Variants in SYT1 observed in about 807,000 individuals in gnomAD.
SYT1 encodes the protein synaptotagmin-1.
In SYT1, 8 loss-of-function variants were observed where a neutral mutation model predicts 44.8. The ratio of observed to expected loss-of-function variants is 0.18; its 90% CI spans 0.10 to 0.32. The LOEUF is 0.32. SYT1 is among the 10% of genes least tolerant of loss of function. SYT1 has a pLI of 1.00. For synonymous variants in SYT1, 154 were observed against 188.8 expected, an observed-to-expected ratio of 0.82 and a Z score of 1.51; for missense variants, 286 against 509.3, an observed-to-expected ratio of 0.56 and a Z score of 4.22.
At chr12:79,226,700 T>A (rs1051002936) in intron 4 of SYT1, among the ~76,000 whole-genome samples, 4 of 152,112 alleles carry the variant, frequency 2.6e-5, no homozygotes, top group Non-Finnish European at 4.4e-5. Context: ...TTTAAAGTGG[T>A]ATGTTAAATC....
chr12:79,332,137 C>T (rs1369696181), intron 8 of SYT1, among the ~76,000 whole-genome samples: 3 of 152,172 alleles, frequency 2.0e-5, no homozygotes, highest in Admixed American at 2.0e-4. Flanking sequence ...TCAGCAGGGT[C>T]ACTCCAGCTG....
At chr12:78,950,330 T>C (rs1299320701) in intron 1 of SYT1, among the ~76,000 whole-genome samples, 1 of 152,092 alleles carries the variant, frequency 6.6e-6, no homozygotes, top group African/African-American at 2.4e-5. Flanking sequence ...TTGAAGTATC[T>C]TTTTAATACA....
At chr12:79,114,540 C>T (rs536729426) in intron 3 of SYT1, among the ~76,000 whole-genome samples, 3 of 149,356 alleles carry the variant, frequency 2.0e-5, no homozygotes, top group South Asian at 4.2e-4. Context: ...CCACCTACAT[C>T]ATAACTCCTA....
chr12:79,431,364 G>C (rs1251331275), intron 9 of SYT1, among the ~76,000 whole-genome samples: 1 of 151,984 alleles, frequency 6.6e-6, no homozygotes, highest in East Asian at 1.9e-4. Context: ...ATTTTTTACT[G>C]AGATCTGAAA....
intron 1 of SYT1, among the ~76,000 whole-genome samples, chr12:78,924,117 T>G (rs891682153): frequency 6.6e-6 from 1 of 151,976 alleles, no homozygotes; most frequent in African/African-American, 2.4e-5. Context: ...AAATTTATTC[T>G]ATGCACTTTT....
chr12:79,289,194 A>G (rs1159758400), intron 5 of SYT1, among the ~76,000 whole-genome samples: 2 of 152,202 alleles, frequency 1.3e-5, no homozygotes, highest in East Asian at 3.8e-4. Flanking sequence ...AAAGCAAACC[A>G]TATGCATGCG....
chr12:79,083,368 A>G (rs1042996245), intron 3 of SYT1, among the ~76,000 whole-genome samples: 2 of 152,158 alleles, frequency 1.3e-5, no homozygotes, highest in African/African-American at 4.8e-5. Flanking sequence ...CAGGCTTATG[A>G]GCTATGACTC....
At chr12:79,434,119 T>C (rs1869952225) in intron 9 of SYT1, among the ~76,000 whole-genome samples, 1 of 152,236 alleles carries the variant, frequency 6.6e-6, no homozygotes, top group African/African-American at 2.4e-5. Context: ...TTATGTTTTT[T>C]ATCTGTTTCA....
At chr12:79,013,827 G>A (rs577091008) in intron 2 of SYT1, among the ~76,000 whole-genome samples, 5 of 152,160 alleles carry the variant, frequency 3.3e-5, no homozygotes, top group South Asian at 4.2e-4. Flanking sequence ...TGTCCATTTT[G>A]TTAGAAAATA....
chr12:78,955,232 A>C (rs2137311128), intron 1 of SYT1, among the ~76,000 whole-genome samples: 1 of 152,278 alleles, frequency 6.6e-6, no homozygotes, highest in Non-Finnish European at 1.5e-5. Context: ...TGAATGATCA[A>C]CTGGATCAAA....
chr12:79,338,887 C>G (rs1882223478), intron 8 of SYT1, among the ~76,000 whole-genome samples: 1 of 151,932 alleles, frequency 6.6e-6, no homozygotes, highest in Admixed American at 6.6e-5. Flanking sequence ...TCTCATTGTT[C>G]AATTCCCACC....
intron 3 of SYT1, among the ~76,000 whole-genome samples, chr12:79,183,731 A>C (rs1872663920): frequency 6.6e-6 from 1 of 152,042 alleles, no homozygotes; most frequent in South Asian, 2.1e-4. Context: ...GAGAATGTTC[A>C]GGTTAGATAT....
chr12:79,430,074 ATCC>A (rs1869688571), intron 9 of SYT1, among the ~76,000 whole-genome samples: 1 of 152,200 alleles, frequency 6.6e-6, no homozygotes, highest in African/African-American at 2.4e-5. Flanking sequence ...GCATACCACT[ATCC>A]AAATATCACT....
Position 79,314,698 on chromosome 12 carries a change from C to A in SYT1, c.810+15147C>A, listed in dbSNP as rs151144498. On this transcript the variant is annotated intron_variant, in intron 8 of 10. Coordinates refer to ENST00000261205, the MANE Select transcript of SYT1 (RefSeq NM_005639.3). ...TGTTAAATAAAGTTGCCATGCTATCCAACAATTCTACTAAGTTCTACCCAA... is the reference window on the plus strand; with the variant it reads ...TGTTAAATAAAGTTGCCATGCTATCAAACAATTCTACTAAGTTCTACCCAA... Among the ~76,000 whole-genome samples the A allele has an allele frequency of 3.9e-5, 6 of 152,178 alleles. 1 individual carries two copies. In the South Asian group the frequency reaches 1.0e-3, roughly 26 times the overall value.
intron 1 of SYT1, among the ~76,000 whole-genome samples, chr12:78,951,934 G>T (rs1001468894): frequency 6.6e-6 from 1 of 152,056 alleles, no homozygotes; most frequent in Admixed American, 6.6e-5. Flanking sequence ...TCCAGCTTTC[G>T]AAGGAGACTC....
chr12:78,886,061 T>A (rs891266784), intron 1 of SYT1, among the ~76,000 whole-genome samples: 6 of 151,956 alleles, frequency 3.9e-5, no homozygotes, highest in Non-Finnish European at 5.9e-5. Context: ...GGGCTTATCA[T>A]AACACTAATT....
At chr12:78,903,340 C>T (rs1308470797) in intron 1 of SYT1, among the ~76,000 whole-genome samples, 1 of 151,708 alleles carries the variant, frequency 6.6e-6, no homozygotes, top group Non-Finnish European at 1.5e-5. Context: ...GGCTGGAGCA[C>T]AGTGGCACGA....
At chr12:78,941,044 A>ACTTTTTTTTT (rs557804959) in intron 1 of SYT1, among the ~76,000 whole-genome samples, 1 of 123,496 alleles carries the variant, frequency 8.1e-6, no homozygotes, top group African/African-American at 2.9e-5. Flanking sequence ...TCTTTTCTTT[A>ACTTTTTTTTT]CTTTTTTTTT....
At chr12:79,238,771 T>G (rs1215385038) in intron 4 of SYT1, among the ~76,000 whole-genome samples, 6 of 152,238 alleles carry the variant, frequency 3.9e-5, no homozygotes, top group Non-Finnish European at 5.9e-5. Flanking sequence ...AGAAGTTGCT[T>G]GTGAACCTGG....
Sources: gnomAD v4.1 joint callset for allele counts (sites outside exome capture counted in the v4.1 genomes callset) on GRCh38, gnomAD v4.1.1 for gene constraint, MANE v1.5 for transcripts, NCBI Gene and HGNC (gene_info 2026-07-23, HGNC 2026-07-21) for gene names.